The following MBOAT1 variants were observed in gnomAD, a reference collection of about 807,000 sequenced individuals.
The protein encoded by MBOAT1 is membrane bound glycerophospholipid O-acyltransferase 1, also known as membrane-bound glycerophospholipid O-acyltransferase 1.
In MBOAT1, 67 loss-of-function variants were observed where a neutral mutation model predicts 64.4. The observed-to-expected ratio is 1.04, with a 90% CI of 0.85 to 1.27. The LOEUF is 1.27. MBOAT1 is among the 50% of genes most tolerant of loss of function. The pLI is 0.00. For synonymous variants in MBOAT1, 229 were observed against 218.9 expected (o/e 1.05, Z -0.41); for missense variants, 563 against 604.6 (o/e 0.93, Z 0.72).
At chr6:20,182,942 T>C (rs988484630) in intron 1 of MBOAT1, among the ~76,000 whole-genome samples, 2 of 152,116 alleles carry the variant, frequency 1.3e-5, no homozygotes, top group Non-Finnish European at 2.9e-5. Context: ...TGACAGGGAA[T>C]TTTTCACAGA....
At chr6:20,166,567 C>T (rs1050644533) in intron 1 of MBOAT1, among the ~76,000 whole-genome samples, 7 of 152,148 alleles carry the variant, frequency 4.6e-5, no homozygotes, top group African/African-American at 1.7e-4. Flanking sequence ...AGTTGTTGCA[C>T]ATGTTGTCCT....
At chr6:20,150,562 CTTTTTTT>C (rs537125848) in intron 3 of MBOAT1, among the ~76,000 whole-genome samples, 4 of 134,852 alleles carry the variant, frequency 3.0e-5, no homozygotes, top group East Asian at 4.2e-4. Context: ...TTTCTTTTTC[CTTTTTTT>C]TTTTTTTTTT....
chr6:20,152,619 C>T lies in MBOAT1; in HGVS notation c.245+5G>A. On this transcript the variant is annotated splice_donor_5th_base_variant and intron_variant, in intron 2 of 12. Transcript: ENST00000324607. The stretch of plus-strand genomic sequence containing the variant: ...AATATTAGAATATATGAGGCTCATA[C>T]TCACCAGCCGAAACAAAAGATGACA... 6.2e-7 allele frequency: 1 copy of T among 1,607,360 alleles called. No individual in the cohort carries two copies. The highest frequency in any genetic ancestry group is 1.1e-5 in the South Asian group (1 of 90,108).
Position 20,126,519 on chromosome 6 carries a change from T to C in MBOAT1, c.712A>G (p.Thr238Ala). The C allele has an allele frequency of 6.2e-7, 1 of 1,606,590 alleles. No homozygotes were observed. The highest frequency in any genetic ancestry group is 2.2e-5 in the East Asian group (1 of 44,820). Residue 238 changes from threonine (T) to alanine (A), a missense_variant and splice_region_variant, in exon 7 of 13, where the codon ACA becomes GCA. By Grantham distance (58) the Thr-to-Ala change is moderately conservative. Transcript: ENST00000324607. Reference protein sequence around the residue: ...GFHSLPEPSPTGAVIHKLGIT... With the variant: ...GFHSLPEPSPAGAVIHKLGIT... ...TTCTCTAGACACTAAAAACTTACTG[T>C]GGGAGAAGGTTCTGGCAAGCTGTGG...
At chr6:20,141,817 G>C (rs13212096) in intron 4 of MBOAT1, among the ~76,000 whole-genome samples, 23,107 of 152,066 alleles carry the variant, frequency 0.15, 2,175 homozygotes, top group East Asian at 0.51. Flanking sequence ...ATGAAGGGCA[G>C]CGGGCGGATT....
At chr6:20,159,150 C>T (rs1021986867) in intron 1 of MBOAT1, among the ~76,000 whole-genome samples, 1 of 152,032 alleles carries the variant, frequency 6.6e-6, no homozygotes, top group Non-Finnish European at 1.5e-5. Flanking sequence ...ATTCAGGGGT[C>T]CCCAACCCCC....
intron 1 of MBOAT1, among the ~76,000 whole-genome samples, chr6:20,192,899 C>T (rs1339482944): frequency 6.6e-6 from 1 of 151,842 alleles, no homozygotes; most frequent in Non-Finnish European, 1.5e-5. Flanking sequence ...GCAAGGTGAG[C>T]TCACAGGACA....
chr6:20,125,508 C>T (rs951632834), intron 7 of MBOAT1, among the ~76,000 whole-genome samples: 1 of 152,196 alleles, frequency 6.6e-6, no homozygotes, highest in African/African-American at 2.4e-5. Context: ...TATCTGTGCA[C>T]AAAAATGCAA....
At chr6:20,205,079 G>A (rs1177346149) in intron 1 of MBOAT1, among the ~76,000 whole-genome samples, 1 of 152,066 alleles carries the variant, frequency 6.6e-6, no homozygotes, top group Non-Finnish European at 1.5e-5. Context: ...TGCACCTTTA[G>A]TCCCAGCTAC....
chr6:20,149,877 A>C (rs548569997), intron 3 of MBOAT1, among the ~76,000 whole-genome samples: 1 of 152,356 alleles, frequency 6.6e-6, no homozygotes, highest in East Asian at 1.9e-4. Flanking sequence ...AGCTGAAATA[A>C]GGCACCTGCT....
chr6:20,163,123 C>T (rs970944517), intron 1 of MBOAT1, among the ~76,000 whole-genome samples: 1 of 152,116 alleles, frequency 6.6e-6, no homozygotes. Flanking sequence ...CTTTAGGCTT[C>T]GAGGCAAGAA....
chr6:20,159,478 A>G (rs1456898008), intron 1 of MBOAT1, among the ~76,000 whole-genome samples: 1 of 152,222 alleles, frequency 6.6e-6, no homozygotes, highest in Non-Finnish European at 1.5e-5. Flanking sequence ...GTCATTTGCG[A>G]CAACATGATA....
At chr6:20,169,441 T>C (rs779652198) in intron 1 of MBOAT1, among the ~76,000 whole-genome samples, 1 of 152,146 alleles carries the variant, frequency 6.6e-6, no homozygotes, top group Non-Finnish European at 1.5e-5. Context: ...GTGACCATTG[T>C]GCAATGTGGG....
intron 5 of MBOAT1, among the ~76,000 whole-genome samples, chr6:20,129,946 T>C (rs1031916662): frequency 6.6e-6 from 1 of 152,192 alleles, no homozygotes; most frequent in African/African-American, 2.4e-5. Flanking sequence ...AAAGACTCCA[T>C]CCTTGGTATA....
chr6:20,169,364 T>C (rs1762125700), intron 1 of MBOAT1, among the ~76,000 whole-genome samples: 1 of 152,120 alleles, frequency 6.6e-6, no homozygotes, highest in Non-Finnish European at 1.5e-5. Flanking sequence ...AAAACAGAGA[T>C]CTTATGGGGC....
At chr6:20,208,257 C>G (rs1253903424) in intron 1 of MBOAT1, among the ~76,000 whole-genome samples, 3 of 151,636 alleles carry the variant, frequency 2.0e-5, no homozygotes, top group Non-Finnish European at 4.4e-5. Context: ...ACCAGCCTGA[C>G]CAAGATGGTG....
At chr6:20,166,367 T>C (rs1762015341) in intron 1 of MBOAT1, among the ~76,000 whole-genome samples, 1 of 152,012 alleles carries the variant, frequency 6.6e-6, no homozygotes, top group Non-Finnish European at 1.5e-5. Flanking sequence ...GGAAGGAACA[T>C]TTCCCCTTTT....
At chr6:20,160,560 A>G (rs745831347) in intron 1 of MBOAT1, among the ~76,000 whole-genome samples, 2 of 152,262 alleles carry the variant, frequency 1.3e-5, no homozygotes, top group Non-Finnish European at 2.9e-5. Context: ...CAAAATATGC[A>G]AAGAACTCCA....
intron 8 of MBOAT1, among the ~76,000 whole-genome samples, chr6:20,122,112 C>T (rs1310008966): frequency 6.6e-6 from 1 of 152,098 alleles, no homozygotes; most frequent in Non-Finnish European, 1.5e-5. Flanking sequence ...TTGCAGTGAG[C>T]CGAGACCGCA....
Sources: gnomAD v4.1 joint callset for allele counts (sites outside exome capture counted in the v4.1 genomes callset) on GRCh38, gnomAD v4.1.1 for gene constraint, MANE v1.5 for transcripts, NCBI Gene and HGNC (gene_info 2026-07-23, HGNC 2026-07-21) for gene names.